Variants in FNDC3B observed in about 807,000 individuals in gnomAD.
FNDC3B encodes the protein fibronectin type III domain containing 3B.
A neutral mutation model predicts 151.5 loss-of-function variants in FNDC3B; 12 were observed. That is an observed-to-expected ratio of 0.08 (90% CI 0.05 to 0.13). The LOEUF (loss-of-function observed/expected upper bound fraction) is 0.13. Among genes scored for constraint, FNDC3B ranks in the 10% least tolerant of loss-of-function variants. The probability of loss-of-function intolerance (pLI) is 1.00; values close to 1 mark genes in which losing one functional copy is unlikely to be tolerated. For missense variants in FNDC3B, 1,214 were observed against 1,505.3 expected (o/e 0.81, Z 3.20); for synonymous variants, 528 against 549.0 (o/e 0.96, Z 0.54).
chr3:172,080,995 G>C (rs1051559212), intron 1 of FNDC3B, among the ~76,000 whole-genome samples: 1 of 152,188 alleles, frequency 6.6e-6, no homozygotes, highest in African/African-American at 2.4e-5. Flanking sequence ...TTGATTAACT[G>C]ACCATCAGTG....
At chr3:172,375,837 A>G (rs757896101) in intron 23 of FNDC3B, among the ~76,000 whole-genome samples, 59 of 152,230 alleles carry the variant, frequency 3.9e-4, no homozygotes, top group Admixed American at 7.8e-4. Flanking sequence ...CCTGGCTGCC[A>G]GTTCCCAAGT....
chr3:172,387,713 T>C (rs1325123022), intron 25 of FNDC3B, among the ~76,000 whole-genome samples: 1 of 152,208 alleles, frequency 6.6e-6, no homozygotes, highest in African/African-American at 2.4e-5. Flanking sequence ...GTCACTTTCA[T>C]GGAGGCCAGG....
intron 9 of FNDC3B, among the ~76,000 whole-genome samples, chr3:172,304,979 G>A (rs995506405): frequency 2.0e-5 from 3 of 151,548 alleles, no homozygotes; most frequent in Non-Finnish European, 2.9e-5. Flanking sequence ...AAATGAGAGC[G>A]CTCCAGATAT....
chr3:172,203,580 G>A (rs1725266967), intron 3 of FNDC3B, among the ~76,000 whole-genome samples: 1 of 152,204 alleles, frequency 6.6e-6, no homozygotes, highest in Admixed American at 6.5e-5. Context: ...CTCAATAGGA[G>A]GTTTGCCCTT....
intron 1 of FNDC3B, among the ~76,000 whole-genome samples, chr3:172,109,464 C>G (rs569686515): frequency 7.2e-5 from 11 of 152,108 alleles, no homozygotes; most frequent in Non-Finnish European, 1.3e-4. Flanking sequence ...CGCGCCCGGC[C>G]GAAGGCCTTG....
chr3:172,250,090 C>T (rs565617333), intron 5 of FNDC3B, among the ~76,000 whole-genome samples: 44 of 152,178 alleles, frequency 2.9e-4, no homozygotes, highest in African/African-American at 4.8e-4. Context: ...CTTTATGTTA[C>T]GCATTGTCAT....
chr3:172,378,179 G>A, intron 23 of FNDC3B, 91 bp from the exon 24 acceptor site: 1 of 1,061,404 alleles, frequency 9.4e-7, no homozygotes, highest in South Asian at 1.7e-5. Flanking sequence ...TTACCAGGTT[G>A]GCCTAATCTG....
chr3:172,059,867 T>C (rs1717105745), intron 1 of FNDC3B, among the ~76,000 whole-genome samples: 1 of 152,228 alleles, frequency 6.6e-6, no homozygotes, highest in Non-Finnish European at 1.5e-5. Flanking sequence ...ATAGAGGGCA[T>C]GTATTACTTA....
At chr3:172,100,087 C>T (rs946662533) in intron 1 of FNDC3B, among the ~76,000 whole-genome samples, 5 of 152,020 alleles carry the variant, frequency 3.3e-5, no homozygotes, top group Non-Finnish European at 7.4e-5. Flanking sequence ...AGGAGAAGTA[C>T]TAAAATTGAA....
At chr3:172,285,360 C>T (rs961647023) in intron 6 of FNDC3B, among the ~76,000 whole-genome samples, 6 of 152,168 alleles carry the variant, frequency 3.9e-5, no homozygotes, top group Admixed American at 1.3e-4. Context: ...TCCATATATC[C>T]GTTGTTCACA....
chr3:172,215,852 C>T (rs546227974), intron 3 of FNDC3B, among the ~76,000 whole-genome samples: 10 of 151,206 alleles, frequency 6.6e-5, no homozygotes, highest in East Asian at 1.9e-4. Context: ...CATTTTACCT[C>T]GGGGCATTTA....
chr3:172,311,338 T>A (rs774831814), intron 11 of FNDC3B, among the ~76,000 whole-genome samples: 8 of 152,156 alleles, frequency 5.3e-5, no homozygotes, highest in Non-Finnish European at 1.0e-4. Context: ...GAGCAGTACA[T>A]AGAAGTCACA....
chr3:172,390,802 T>G (rs953073941), intron 25 of FNDC3B, among the ~76,000 whole-genome samples: 9 of 152,220 alleles, frequency 5.9e-5, no homozygotes, highest in African/African-American at 1.9e-4. Flanking sequence ...ACAAAAACAC[T>G]GTCCAGGTCT....
At chr3:172,323,905 T>C (rs1373444824) in intron 11 of FNDC3B, among the ~76,000 whole-genome samples, 1 of 152,144 alleles carries the variant, frequency 6.6e-6, no homozygotes, top group Non-Finnish European at 1.5e-5. Flanking sequence ...CAGGTGCTCA[T>C]AGAGTATGTA....
intron 11 of FNDC3B, among the ~76,000 whole-genome samples, chr3:172,321,073 AT>A (rs1732055199): frequency 1.3e-5 from 2 of 152,148 alleles, no homozygotes; most frequent in African/African-American, 2.4e-5. Flanking sequence ...CCATCTGTAA[AT>A]TTGTTTCTTC....
At chr3:172,073,825 G>A (rs542680087) in intron 1 of FNDC3B, among the ~76,000 whole-genome samples, 41 of 151,620 alleles carry the variant, frequency 2.7e-4, no homozygotes, top group Middle Eastern at 3.4e-3. Flanking sequence ...ATTTTGTAGC[G>A]TAAGTTTACT....
intron 9 of FNDC3B, among the ~76,000 whole-genome samples, chr3:172,300,514 C>T (rs950233722): frequency 5.3e-5 from 8 of 152,034 alleles, no homozygotes; most frequent in African/African-American, 9.6e-5. Flanking sequence ...AACACTTGCT[C>T]ATCAGCTATT....
At position 172,127,243 on chromosome 3, in the gene FNDC3B, T is replaced by G. The variant is rs115659285; in HGVS notation, c.112-6228T>G. On this transcript the variant is annotated intron_variant, in intron 2 of 25. Coordinates refer to ENST00000415807, the MANE Select transcript of FNDC3B (RefSeq NM_022763.4). ...GAACACATATTTCCTAGAAGAGAAC[T>G]TGTCCTGCCTTTGGGGATGTTCCTT... 2.3e-3 allele frequency among the ~76,000 whole-genome samples: 357 copies of G among 152,360 alleles called. 4 individuals carry two copies. The highest frequency in any genetic ancestry group is 8.4e-3 in the African/African-American group (351 of 41,584).
chr3:172,197,254 C>T (rs1021969342), intron 3 of FNDC3B, among the ~76,000 whole-genome samples: 2 of 151,974 alleles, frequency 1.3e-5, no homozygotes, highest in East Asian at 1.9e-4. Context: ...CTCAAAACTG[C>T]AGAATTGTTA....
Sources: allele counts gnomAD v4.1 joint callset (sites outside exome capture counted in the v4.1 genomes callset), GRCh38; gene constraint gnomAD v4.1.1; transcripts MANE v1.5; gene names NCBI Gene and HGNC (gene_info 2026-07-23, HGNC 2026-07-21).